The following CTBP1 variants were observed in gnomAD, a reference collection of about 807,000 sequenced individuals.
The protein encoded by CTBP1 is C-terminal binding protein 1, also known as C-terminal-binding protein 1.
A neutral mutation model predicts 42.1 loss-of-function variants in CTBP1; 11 were observed. The observed-to-expected ratio is 0.26, with a 90% confidence interval of 0.16 to 0.43. The LOEUF (loss-of-function observed/expected upper bound fraction) is 0.43. Among genes scored for constraint, CTBP1 ranks in the 20% least tolerant of loss-of-function variants. CTBP1 has a pLI of 1.00. For synonymous variants in CTBP1, 324 were observed against 277.1 expected, an observed-to-expected ratio of 1.17 and a Z score of -1.68; for missense variants, 399 against 624.3, an observed-to-expected ratio of 0.64 and a Z score of 3.85.
chr4:1,216,097 C>A lies in CTBP1; in HGVS notation c.623G>T (p.Arg208Leu). ...GAGCAGGTCCTGCAGGGTGCTGACA[C>A]GCTGCAGCCCCAGCGCCCGCTCCAC... ...DGVERALGLQRVSTLQDLLFH... is the reference protein window; with the variant it reads ...DGVERALGLQLVSTLQDLLFH... Residue 208 changes from arginine to leucine, a missense_variant, in exon 6 of 10, where the codon CGT becomes CTT. By Grantham distance (102) the Arg-to-Leu change is moderately radical. This residue lies in a region of CTBP1 where 309 missense variants were observed against 497.5 expected (regional missense o/e 0.62). Coordinates refer to ENST00000382952, the MANE Select transcript of CTBP1 (RefSeq NM_001012614.2). 1 of 1,611,460 alleles carries A rather than the reference C, an allele frequency of 6.2e-7. No individual in the cohort carries two copies. Among genetic ancestry groups the A allele is most frequent in the Non-Finnish European group, 8.5e-7 (1 of 1,179,906 alleles).
intron 5 of CTBP1, among the ~76,000 whole-genome samples, chr4:1,224,081 T>C (rs1468866373): frequency 6.6e-6 from 1 of 152,266 alleles, no homozygotes; most frequent in Non-Finnish European, 1.5e-5. Flanking sequence ...CAGCAGGATC[T>C]ACACAGCCAG....
chr4:1,226,960 G>C (rs990929442), intron 4 of CTBP1, among the ~76,000 whole-genome samples: 7 of 152,120 alleles, frequency 4.6e-5, no homozygotes, highest in African/African-American at 1.7e-4. Flanking sequence ...GAAAAGGGAA[G>C]CAAAACCGTG....
intron 2 of CTBP1, among the ~76,000 whole-genome samples, chr4:1,239,823 A>C (rs1731970442): frequency 6.6e-6 from 1 of 152,176 alleles, no homozygotes; most frequent in African/African-American, 2.4e-5. Context: ...CCCAAACGTG[A>C]GGTCTGCACG....
intron 1 of CTBP1, chr4:1,244,240 C>T (rs1732485532): frequency 1.4e-5 from 14 of 985,216 alleles, no homozygotes; most frequent in Non-Finnish European, 1.7e-5. Flanking sequence ...CACGTGTGTG[C>T]TGGGCATCGG....
chr4:1,216,090 G>A lies in CTBP1; in HGVS notation c.630C>T (p.Ser210=). 6.2e-7 allele frequency: 1 copy of A among 1,611,510 alleles called. No homozygotes were observed. Among genetic ancestry groups the A allele is most frequent in the Non-Finnish European group, 8.5e-7 (1 of 1,179,900 alleles). ...VERALGLQRV[S]TLQDLLFHSD... ...TGTGGAAGAGCAGGTCCTGCAGGGT[G>A]CTGACACGCTGCAGCCCCAGCGCCC... The change falls in exon 6 of 10, where the codon AGC becomes AGT. Residue 210 remains serine (S), a synonymous_variant. Transcript: ENST00000382952.
chr4:1,243,786 G>A (rs533043114), intron 1 of CTBP1: 4 of 985,452 alleles, frequency 4.1e-6, no homozygotes, highest in South Asian at 4.7e-5. Flanking sequence ...GGCTCCCAGA[G>A]GGGCCTGTGC....
chr4:1,212,863 G>A, intron 9 of CTBP1, 50 bp downstream of exon 9: 1 of 1,496,040 alleles, frequency 6.7e-7, no homozygotes, highest in Non-Finnish European at 9.3e-7. Flanking sequence ...GGATCCAGGG[G>A]AAGCCTGGGG....
chr4:1,234,414 G>A (rs936337932), intron 3 of CTBP1, among the ~76,000 whole-genome samples: 1 of 152,132 alleles, frequency 6.6e-6, no homozygotes, highest in Non-Finnish European at 1.5e-5. Context: ...CAACACTCTC[G>A]TCTCTTCCAA....
At chr4:1,222,726 G>C (rs1729887140) in intron 5 of CTBP1, among the ~76,000 whole-genome samples, 1 of 152,174 alleles carries the variant, frequency 6.6e-6, no homozygotes, top group African/African-American at 2.4e-5. Flanking sequence ...GGCCCTGGGA[G>C]GGGCTGGTTG....
At position 1,212,913 on chromosome 4, in the gene CTBP1, C is replaced by T; in HGVS notation, c.1106G>A (p.Arg369Lys). The change falls in exon 9 of 10, where the codon AGG becomes AAG. Residue 369 changes from arginine (R) to lysine (K), a missense_variant and splice_region_variant. Physicochemically the swap from Arg to Lys is conservative, Grantham distance 26. This residue lies in a region of CTBP1 where 309 missense variants were observed against 497.5 expected (regional missense o/e 0.62). Transcript: ENST00000382952. ...VHPELNGAAY[R>K]YPPGVVGVAP... ...GTTCTGGGCCAGCGGGCCTGCTCAC[C>T]TATAGGCAGCCCCATTGAGCTCAGG... 6.2e-7 allele frequency: 1 copy of T among 1,613,108 alleles called. No individual in the cohort carries two copies. Among genetic ancestry groups the T allele is most frequent in the Non-Finnish European group, 8.5e-7 (1 of 1,179,548 alleles).
At chr4:1,234,236 C>T (rs1480509019) in intron 3 of CTBP1, among the ~76,000 whole-genome samples, 1 of 152,246 alleles carries the variant, frequency 6.6e-6, no homozygotes, top group African/African-American at 2.4e-5. Flanking sequence ...CTTCACCTCT[C>T]TGGCTTCTGC....
At chr4:1,215,522 C>T (rs189416949) in intron 6 of CTBP1, 9 of 240,948 alleles carry the variant, frequency 3.7e-5, no homozygotes, top group East Asian at 1.1e-4. Flanking sequence ...AGGCAGAGGC[C>T]GACCTGAGCA....
At chr4:1,214,174 C>A (rs751521399) in intron 7 of CTBP1, 169 bp downstream of exon 7, 4 of 855,784 alleles carry the variant, frequency 4.7e-6, no homozygotes, top group Non-Finnish European at 6.7e-6. Flanking sequence ...GCCTAGAGCC[C>A]GTGGCTCCAT....
intron 5 of CTBP1, among the ~76,000 whole-genome samples, chr4:1,223,128 G>A (rs1344446471): frequency 6.6e-6 from 1 of 152,094 alleles, no homozygotes; most frequent in Admixed American, 6.5e-5. Flanking sequence ...GGTCCACAGA[G>A]CCCCGAGTCC....
At chr4:1,223,966 G>T (rs1730029549) in intron 5 of CTBP1, among the ~76,000 whole-genome samples, 1 of 152,208 alleles carries the variant, frequency 6.6e-6, no homozygotes, top group Non-Finnish European at 1.5e-5. Flanking sequence ...CAAATGAAGA[G>T]CGAGGGGTCG....
At chr4:1,214,119 G>A (rs762893498) in intron 7 of CTBP1, 3 of 559,322 alleles carry the variant, frequency 5.4e-6, no homozygotes, top group Non-Finnish European at 6.0e-6. Context: ...CCCAAAGAAG[G>A]GCTGAGGAGG....
chr4:1,245,163 G>T (rs917210418), intron 1 of CTBP1: 3 of 985,462 alleles, frequency 3.0e-6, no homozygotes, highest in Non-Finnish European at 3.6e-6. Flanking sequence ...CGGCACCTTG[G>T]ACGGCAGCAT....
chr4:1,226,564 G>C (rs1730370663), intron 4 of CTBP1, among the ~76,000 whole-genome samples: 1 of 150,650 alleles, frequency 6.6e-6, no homozygotes, highest in Admixed American at 6.6e-5. Flanking sequence ...CGCCACACGA[G>C]ATTGGAACAA....
At chr4:1,212,459 T>C (rs1341032067) in intron 9 of CTBP1, 36 bp from the exon 10 acceptor site, 4 of 1,402,710 alleles carry the variant, frequency 2.9e-6, no homozygotes, top group East Asian at 2.9e-5. Context: ...GGCCCACCTG[T>C]AGGCGGCCTG....
Sources: allele counts gnomAD v4.1 joint callset (sites outside exome capture counted in the v4.1 genomes callset), GRCh38; gene constraint gnomAD v4.1.1; regional missense constraint gnomAD v4.1.1; transcripts MANE v1.5; gene names NCBI Gene and HGNC (gene_info 2026-07-23, HGNC 2026-07-21).